Variants in GTF2E2 observed in about 807,000 individuals in gnomAD.
The protein encoded by GTF2E2 is transcription initiation factor IIE subunit beta.
Under a neutral mutation model 40.5 loss-of-function variants are expected in GTF2E2, and 21 were observed. The ratio of observed to expected loss-of-function variants is 0.52; its 90% confidence interval spans 0.37 to 0.75. GTF2E2 has a LOEUF of 0.75. Ranked by LOEUF, GTF2E2 falls within the 30% of genes least tolerant of loss-of-function variation. GTF2E2 has a pLI of 0.00. For synonymous variants in GTF2E2, 117 were observed against 121.6 expected, an observed-to-expected ratio of 0.96 and a Z score of 0.25; for missense variants, 298 against 338.4, an observed-to-expected ratio of 0.88 and a Z score of 0.94.
chr8:30,629,998 GA>G (rs1801396240), intron 3 of GTF2E2, among the ~76,000 whole-genome samples: 1 of 152,138 alleles, frequency 6.6e-6, no homozygotes, highest in African/African-American at 2.4e-5. Context: ...CTCATATGAA[GA>G]AAGAGGCATC....
At chr8:30,580,634 G>A (rs1309207002) in intron 6 of GTF2E2, among the ~76,000 whole-genome samples, 2 of 152,144 alleles carry the variant, frequency 1.3e-5, no homozygotes, top group Admixed American at 1.3e-4. Flanking sequence ...GCCAGCAAAT[G>A]AGGGCTGCCA....
intron 6 of GTF2E2, among the ~76,000 whole-genome samples, chr8:30,583,598 T>A (rs1828576697): frequency 6.6e-6 from 1 of 152,066 alleles, no homozygotes; most frequent in Admixed American, 6.6e-5. Context: ...AAGGCTGGTC[T>A]CGAACGTCTA....
intron 3 of GTF2E2, among the ~76,000 whole-genome samples, chr8:30,626,132 C>A (rs1801264435): frequency 6.6e-6 from 1 of 152,202 alleles, no homozygotes; most frequent in Admixed American, 6.5e-5. Context: ...TTTTTACACA[C>A]CAAGAGTCAA....
chr8:30,642,356 G>C (rs1297142350), intron 2 of GTF2E2, among the ~76,000 whole-genome samples: 1 of 150,840 alleles, frequency 6.6e-6, no homozygotes, highest in Non-Finnish European at 1.5e-5. Context: ...CCATAAGCAG[G>C]AATAAAAGAA....
At chr8:30,641,663 C>T (rs1302721737) in intron 2 of GTF2E2, among the ~76,000 whole-genome samples, 2 of 152,124 alleles carry the variant, frequency 1.3e-5, no homozygotes, top group Non-Finnish European at 2.9e-5. Context: ...GATTACCTGA[C>T]GTCAGGGGTT....
At chr8:30,629,704 A>G (rs1474722297) in intron 3 of GTF2E2, among the ~76,000 whole-genome samples, 1 of 151,636 alleles carries the variant, frequency 6.6e-6, no homozygotes, top group Admixed American at 6.6e-5. Context: ...AAAAAAAAAA[A>G]AAAAAGACTG....
At chr8:30,583,901 G>A (rs1287173791) in intron 6 of GTF2E2, among the ~76,000 whole-genome samples, 2 of 151,960 alleles carry the variant, frequency 1.3e-5, no homozygotes, top group Non-Finnish European at 2.9e-5. Context: ...CACCTCCCGG[G>A]TTCACGCCAT....
chr8:30,580,246 C>T, intron 7 of GTF2E2, 35 bp downstream of exon 7: 2 of 1,134,864 alleles, frequency 1.8e-6, no homozygotes, highest in Non-Finnish European at 2.7e-6. Flanking sequence ...GTTCCCAGGG[C>T]AGGGGATTAA....
chr8:30,591,254 G>A (rs758566614), intron 6 of GTF2E2, among the ~76,000 whole-genome samples: 2 of 152,168 alleles, frequency 1.3e-5, no homozygotes, highest in African/African-American at 2.4e-5. Context: ...GAAAGGCCAC[G>A]GCAGGAGGAT....
intron 2 of GTF2E2, among the ~76,000 whole-genome samples, chr8:30,636,206 C>T (rs1458549129): frequency 6.6e-6 from 1 of 152,168 alleles, no homozygotes; most frequent in Non-Finnish European, 1.5e-5. Flanking sequence ...AGTAAAAAAT[C>T]CATCATAAAT....
chr8:30,589,294 C>T lies in GTF2E2; in HGVS notation c.644-8898G>A, dbSNP rs142393173. 4.7e-3 allele frequency among the ~76,000 whole-genome samples: 719 copies of T among 152,308 alleles called. 2 individuals carry two copies. The highest frequency in any genetic ancestry group is 0.016 in the African/African-American group (678 of 41,570). Reference sequence around the variant, plus strand: ...AGTATTGGCATGGTGCAATGACTCACACCTGTAATCCCAGTACTTTGGGAG... The same window carrying T: ...AGTATTGGCATGGTGCAATGACTCATACCTGTAATCCCAGTACTTTGGGAG... On this transcript the variant is annotated intron_variant, in intron 6 of 7. Coordinates refer to ENST00000355904, the MANE Select transcript of GTF2E2 (RefSeq NM_002095.6).
At chr8:30,643,658 T>TAA (rs71206267) in intron 2 of GTF2E2, 1,482 of 132,188 alleles carry the variant, frequency 0.011, 24 homozygotes, top group African/African-American at 0.03. Flanking sequence ...AGACTCTGCC[T>TAA]AAAAAAAAAA....
At chr8:30,652,669 T>C (rs988004618) in intron 2 of GTF2E2, among the ~76,000 whole-genome samples, 10 of 152,134 alleles carry the variant, frequency 6.6e-5, no homozygotes, top group Admixed American at 4.6e-4. Context: ...ACAAGTTAAA[T>C]ATAAATTTGA....
At chr8:30,632,767 T>G (rs893401929) in intron 3 of GTF2E2, among the ~76,000 whole-genome samples, 4 of 152,168 alleles carry the variant, frequency 2.6e-5, no homozygotes, top group Admixed American at 2.6e-4. Flanking sequence ...TTTCCATTCT[T>G]TTGCTTTCAA....
Position 30,612,416 on chromosome 8 carries a change from G to T in GTF2E2, c.432C>A (p.Asn144Lys). Reference sequence around the variant, plus strand: ...TAAGTAGGGCCTTCTTATCTCTCACGTTGTACTTGGGCTTGAAAGCATACT... The same window carrying T: ...TAAGTAGGGCCTTCTTATCTCTCACTTTGTACTTGGGCTTGAAAGCATACT... ...DGKYAFKPKY[N>K]VRDKKALLRL... The change falls in exon 5 of 8, where the codon AAC (asparagine) becomes AAA (lysine). Residue 144 changes from asparagine to lysine, a missense_variant. Coordinates refer to ENST00000355904, the MANE Select transcript of GTF2E2 (RefSeq NM_002095.6). 1 of 1,612,230 alleles carries T rather than the reference G, an allele frequency of 6.2e-7. No individual in the cohort carries two copies. Among genetic ancestry groups the T allele is most frequent in the Non-Finnish European group, 8.5e-7 (1 of 1,178,492 alleles).
At chr8:30,592,186 T>A (rs1219532625) in intron 6 of GTF2E2, among the ~76,000 whole-genome samples, 3 of 152,132 alleles carry the variant, frequency 2.0e-5, no homozygotes, top group Non-Finnish European at 2.9e-5. Flanking sequence ...AAGACCAGAC[T>A]GGGCAACACT....
At chr8:30,650,164 T>C (rs1802223528) in intron 2 of GTF2E2, among the ~76,000 whole-genome samples, 1 of 152,098 alleles carries the variant, frequency 6.6e-6, no homozygotes, top group Non-Finnish European at 1.5e-5. Context: ...CCCTCAGGAA[T>C]AGAGATGCAA....
intron 7 of GTF2E2, 53 bp from the exon 8 acceptor site, chr8:30,579,090 G>C: frequency 1.1e-6 from 1 of 949,050 alleles, no homozygotes; most frequent in Admixed American, 1.7e-5. Context: ...GAGGGGTGGT[G>C]TGGCCAGGAT....
chr8:30,589,088 C>A (rs1828763341), intron 6 of GTF2E2, among the ~76,000 whole-genome samples: 1 of 151,830 alleles, frequency 6.6e-6, no homozygotes, highest in Admixed American at 6.6e-5. Flanking sequence ...CCCATCTCTA[C>A]TAAAAATGCA....
Sources: gnomAD v4.1 joint callset for allele counts (sites outside exome capture counted in the v4.1 genomes callset) on GRCh38, gnomAD v4.1.1 for gene constraint, MANE v1.5 for transcripts, NCBI Gene and HGNC (gene_info 2026-07-23, HGNC 2026-07-21) for gene names.